The following RAPGEF4 variants were observed in gnomAD, a reference collection of about 807,000 sequenced individuals.
RAPGEF4 encodes RAP guanine-nucleotide-exchange factor (GEF) 4.
In RAPGEF4, 66 loss-of-function variants were observed where a neutral mutation model predicts 147.9. That is an observed-to-expected ratio of 0.45 (90% CI 0.37 to 0.55). The LOEUF is 0.55. Among genes scored for constraint, RAPGEF4 ranks in the 20% least tolerant of loss-of-function variants. The pLI is 0.00. For synonymous variants in RAPGEF4, 419 were observed against 442.7 expected (o/e 0.95, Z 0.67); for missense variants, 1,071 against 1,257.3 (o/e 0.85, Z 2.24).
intron 4 of RAPGEF4, among the ~76,000 whole-genome samples, chr2:172,874,621 C>A (rs983416805): frequency 5.3e-5 from 8 of 152,280 alleles, no homozygotes; most frequent in African/African-American, 1.9e-4. Flanking sequence ...TGTATATGTG[C>A]CACATTTTCT....
At chr2:173,008,206 T>C (rs1159974214) in intron 17 of RAPGEF4, among the ~76,000 whole-genome samples, 1 of 152,166 alleles carries the variant, frequency 6.6e-6, no homozygotes, top group African/African-American at 2.4e-5. Flanking sequence ...CCTTCCACCA[T>C]GATTGTAAGT....
At chr2:172,962,684 G>A (rs1294376958) in intron 8 of RAPGEF4, among the ~76,000 whole-genome samples, 2 of 152,026 alleles carry the variant, frequency 1.3e-5, no homozygotes, top group South Asian at 2.1e-4. Context: ...CTTGTTGACC[G>A]AATTTTGGAA....
intron 1 of RAPGEF4, among the ~76,000 whole-genome samples, chr2:172,743,822 A>G (rs1248913419): frequency 6.6e-6 from 1 of 152,176 alleles, no homozygotes; most frequent in Non-Finnish European, 1.5e-5. Context: ...TTGTAATCCC[A>G]GGAGCAAGTG....
intron 4 of RAPGEF4, among the ~76,000 whole-genome samples, chr2:172,824,751 T>G (rs558368601): frequency 6.6e-6 from 1 of 152,310 alleles, no homozygotes; most frequent in African/African-American, 2.4e-5. Context: ...AATTTGTAGC[T>G]CCTGGGAAAT....
At chr2:173,035,505 T>G in intron 27 of RAPGEF4, among the ~76,000 whole-genome samples, 1 of 147,020 alleles carries the variant, frequency 6.8e-6, no homozygotes. Flanking sequence ...AGTGAGACTC[T>G]GTCTCCAAAA....
At chr2:172,845,902 T>C (rs1002004561) in intron 4 of RAPGEF4, among the ~76,000 whole-genome samples, 9 of 152,132 alleles carry the variant, frequency 5.9e-5, no homozygotes, top group Non-Finnish European at 1.2e-4. Flanking sequence ...TAAGTAGGCT[T>C]TTCAGGACAG....
At chr2:172,857,034 A>G (rs182427109) in intron 4 of RAPGEF4, among the ~76,000 whole-genome samples, 82 of 135,858 alleles carry the variant, frequency 6.0e-4, no homozygotes, top group Non-Finnish European at 1.0e-3. Flanking sequence ...TAATTTTATT[A>G]TTGTTTTTAA....
intron 4 of RAPGEF4, among the ~76,000 whole-genome samples, chr2:172,890,366 A>G (rs1244889897): frequency 2.6e-5 from 4 of 152,092 alleles, no homozygotes; most frequent in Admixed American, 1.3e-4. Flanking sequence ...AGGAGAATAG[A>G]TTTCTAATTG....
At chr2:172,852,332 T>A (rs1164785432) in intron 4 of RAPGEF4, among the ~76,000 whole-genome samples, 1 of 152,206 alleles carries the variant, frequency 6.6e-6, no homozygotes, top group Non-Finnish European at 1.5e-5. Context: ...CTTAAGCTAA[T>A]GAATTGTCAA....
At chr2:173,033,167 TATCCA>T (rs1290166410) in intron 26 of RAPGEF4, among the ~76,000 whole-genome samples, 1 of 152,214 alleles carries the variant, frequency 6.6e-6, no homozygotes, top group Non-Finnish European at 1.5e-5. Flanking sequence ...TTGATAGAAC[TATCCA>T]ATTTTGTATT....
chr2:172,786,163 C>T (rs149693996), intron 1 of RAPGEF4, among the ~76,000 whole-genome samples: 2 of 152,226 alleles, frequency 1.3e-5, no homozygotes, highest in Non-Finnish European at 2.9e-5. Flanking sequence ...AGCAGATGTC[C>T]ACATTGCATA....
At chr2:172,802,163 G>A (rs546369589) in intron 3 of RAPGEF4, among the ~76,000 whole-genome samples, 4 of 152,260 alleles carry the variant, frequency 2.6e-5, no homozygotes, top group Admixed American at 6.5e-5. Context: ...AATGGAAATG[G>A]GAATACATGA....
At position 173,027,141 on chromosome 2, in the gene RAPGEF4, G is replaced by T; in HGVS notation, c.2440G>T (p.Asp814Tyr). 6.2e-7 allele frequency: 1 copy of T among 1,613,174 alleles called. No individual in the cohort carries two copies. Among genetic ancestry groups the T allele is most frequent in the Non-Finnish European group, 8.5e-7 (1 of 1,179,642 alleles). The change falls in exon 25 of 31, where the codon GAT becomes TAT. Residue 814 changes from aspartate to tyrosine, a missense_variant. By Grantham distance (160) the Asp-to-Tyr change is radical. Coordinates refer to ENST00000397081, the MANE Select transcript of RAPGEF4 (RefSeq NM_007023.4). ...TTTTAAAAAGACCACAGCAAACTTGGATTTGTTCCTGAGGAGATTTAATGA... is the reference window on the plus strand; with the variant it reads ...TTTTAAAAAGACCACAGCAAACTTGTATTTGTTCCTGAGGAGATTTAATGA... The part of the protein sequence containing the change: ...HNFKKTTANL[D>Y]LFLRRFNEIQ...
At chr2:172,884,947 C>T (rs1697017104) in intron 4 of RAPGEF4, among the ~76,000 whole-genome samples, 3 of 152,170 alleles carry the variant, frequency 2.0e-5, no homozygotes, top group South Asian at 4.1e-4. Context: ...CTATTGTTGC[C>T]CCTCTCCGTA....
chr2:172,830,490 A>G (rs963819083), intron 4 of RAPGEF4, among the ~76,000 whole-genome samples: 1 of 152,224 alleles, frequency 6.6e-6, no homozygotes, highest in African/African-American at 2.4e-5. Context: ...ATATCTCCCC[A>G]AAACTGTCCA....
intron 29 of RAPGEF4, among the ~76,000 whole-genome samples, chr2:173,038,578 G>A (rs1052205174): frequency 2.0e-5 from 3 of 152,044 alleles, no homozygotes; most frequent in African/African-American, 7.2e-5. Context: ...CACACACCAG[G>A]GCCTGTCGGA....
intron 6 of RAPGEF4, among the ~76,000 whole-genome samples, chr2:172,943,335 G>A (rs1048624687): frequency 1.3e-5 from 2 of 152,094 alleles, no homozygotes; most frequent in South Asian, 4.1e-4. Flanking sequence ...ACTTTAAGGG[G>A]AAGGTAAGCA....
At chr2:172,898,898 G>A (rs1575171819) in intron 4 of RAPGEF4, among the ~76,000 whole-genome samples, 1 of 152,210 alleles carries the variant, frequency 6.6e-6, no homozygotes, top group Admixed American at 6.5e-5. Context: ...TTCTAAGGAA[G>A]TTTTAAAAAG....
At chr2:173,014,417 T>C in intron 17 of RAPGEF4, 47 bp from the exon 18 acceptor site, 1 of 1,610,332 alleles carries the variant, frequency 6.2e-7, no homozygotes, top group Non-Finnish European at 8.5e-7. Context: ...AAGTAGCATG[T>C]GAAATGAGTG....
Sources: allele counts gnomAD v4.1 joint callset (sites outside exome capture counted in the v4.1 genomes callset), GRCh38; gene constraint gnomAD v4.1.1; transcripts MANE v1.5; gene names NCBI Gene and HGNC (gene_info 2026-07-23, HGNC 2026-07-21).